Variants in ASRGL1 observed in about 807,000 individuals in gnomAD.
The protein encoded by ASRGL1 is asparaginase and isoaspartyl peptidase 1, also known as isoaspartyl peptidase/L-asparaginase.
Under a neutral mutation model 22.4 loss-of-function variants are expected in ASRGL1, and 16 were observed. The ratio of observed to expected loss-of-function variants is 0.71; its 90% CI spans 0.48 to 1.08. The LOEUF is 1.08. Among genes scored for constraint, ASRGL1 ranks in the 50% least tolerant of loss-of-function variants. The pLI is 0.00. For synonymous variants in ASRGL1, 165 were observed against 159.3 expected (o/e 1.04, Z -0.27); for missense variants, 412 against 410.1 (o/e 1.00, Z -0.04).
intron 2 of ASRGL1, among the ~76,000 whole-genome samples, chr11:62,339,115 A>G (rs1945804184): frequency 6.6e-6 from 1 of 152,176 alleles, no homozygotes; most frequent in Admixed American, 6.5e-5. Flanking sequence ...CTAGAAAAGG[A>G]AGGGGATTCT....
intron 4 of ASRGL1, chr11:62,382,219 G>C (rs1947087712): frequency 6.6e-6 from 1 of 151,724 alleles, no homozygotes; most frequent in African/African-American, 2.4e-5. Flanking sequence ...AACGTATAGA[G>C]AAAAAAAAGT....
chr11:62,355,630 T>C (rs1330192740), intron 2 of ASRGL1, among the ~76,000 whole-genome samples: 1 of 151,750 alleles, frequency 6.6e-6, no homozygotes, highest in Non-Finnish European at 1.5e-5. Flanking sequence ...TTCTTTTTTT[T>C]TTTTTTTTTC....
chr11:62,393,483 G>A (rs1055862791), downstream of ASRGL1: 3 of 152,206 alleles, frequency 2.0e-5, no homozygotes, highest in African/African-American at 7.2e-5. Flanking sequence ...GGTCTCAGGT[G>A]TACTACAGAG....
intron 4 of ASRGL1, among the ~76,000 whole-genome samples, chr11:62,363,844 A>T (rs1292663113): frequency 1.3e-5 from 2 of 152,124 alleles, no homozygotes; most frequent in African/African-American, 4.8e-5. Context: ...TTTTGTCAAT[A>T]GAAGTCACGT....
chr11:62,372,714 G>A, intron 4 of ASRGL1: 1 of 1,388,886 alleles, frequency 7.2e-7, no homozygotes, highest in East Asian at 2.3e-5. Context: ...GCAGAAGGAT[G>A]AGATGGTCCC....
chr11:62,371,754 C>T (rs908783518), intron 4 of ASRGL1: 4 of 520,632 alleles, frequency 7.7e-6, no homozygotes, highest in Non-Finnish European at 1.5e-5. Context: ...AGATCCAGAC[C>T]ATCCTGGCTA....
At chr11:62,339,461 G>A (rs1367390546) in intron 2 of ASRGL1, among the ~76,000 whole-genome samples, 2 of 152,084 alleles carry the variant, frequency 1.3e-5, no homozygotes, top group East Asian at 1.9e-4. Context: ...TTTGTGTTTC[G>A]CTTCTTTCAC....
intron 2 of ASRGL1, among the ~76,000 whole-genome samples, chr11:62,341,635 AC>A (rs1254936665): frequency 6.6e-6 from 1 of 152,250 alleles, no homozygotes; most frequent in Admixed American, 6.5e-5. Context: ...ATTCTGAGAT[AC>A]AACCAGGTTT....
At chr11:62,399,982 T>C in the ASRGL1 span, among the ~76,000 whole-genome samples, 1 of 152,058 alleles carries the variant, frequency 6.6e-6, no homozygotes, top group African/African-American at 2.4e-5. Flanking sequence ...TTCCCTGAAC[T>C]CTCCACCCAC....
chr11:62,365,679 C>A lies in ASRGL1; in HGVS notation c.491+8535C>A, dbSNP rs575085037. Among the ~76,000 whole-genome samples, 4 of 152,184 alleles carry A rather than the reference C, an allele frequency of 2.6e-5. No individual in the cohort carries two copies. The East Asian group carries it at 7.7e-4, about 29-fold the overall frequency. On this transcript the variant is annotated intron_variant, in intron 4 of 6. Transcript: ENST00000415229. ...CCTGGCCAAGATGGTGAAACTTCAT[C>A]TCTACTAAAAATACAGAAAAATTAG...
At chr11:62,368,681 T>C (rs1946680493) in intron 4 of ASRGL1, among the ~76,000 whole-genome samples, 1 of 152,096 alleles carries the variant, frequency 6.6e-6, no homozygotes, top group African/African-American at 2.4e-5. Flanking sequence ...TCATTATCTC[T>C]GCCATCTCGG....
intron 4 of ASRGL1, among the ~76,000 whole-genome samples, chr11:62,388,101 G>A (rs372266305): frequency 1.4e-4 from 22 of 152,294 alleles, no homozygotes; most frequent in Non-Finnish European, 2.6e-4. Flanking sequence ...TGTGCAGCAT[G>A]TGACTGTCCT....
intron 4 of ASRGL1, among the ~76,000 whole-genome samples, chr11:62,368,525 G>T (rs1208538679): frequency 6.6e-6 from 1 of 152,144 alleles, no homozygotes; most frequent in Non-Finnish European, 1.5e-5. Context: ...ACCTGTGGGT[G>T]TTTCTCGTCA....
chr11:62,353,781 A>G (rs1241693640), intron 2 of ASRGL1, among the ~76,000 whole-genome samples: 2 of 152,124 alleles, frequency 1.3e-5, no homozygotes, highest in Non-Finnish European at 2.9e-5. Context: ...TATTCTAGAC[A>G]TTTTGCATAT....
At position 62,338,093 on chromosome 11, in the gene ASRGL1, G is replaced by T; in HGVS notation, c.116G>T (p.Arg39Leu). ...GCCACCGTGGGCTACGGCATCCTCC[G>T]GGAGGGCGGGAGCGCCGTGGATGCC... ...RAATVGYGIL[R>L]EGGSAVDAVE... Residue 39 changes from arginine to leucine, a missense_variant, in exon 2 of 7, where the codon CGG becomes CTG. Physicochemically the swap from Arg to Leu is moderately radical, Grantham distance 102. Transcript: ENST00000415229. 6.2e-7 allele frequency: 1 copy of T among 1,607,092 alleles called. No homozygotes were observed.
chr11:62,370,916 T>C (rs1489908746), intron 4 of ASRGL1, among the ~76,000 whole-genome samples: 2 of 152,142 alleles, frequency 1.3e-5, no homozygotes, highest in Non-Finnish European at 2.9e-5. Context: ...CTGTTTACCA[T>C]GTGATAAGTA....
At chr11:62,363,871 A>ATCAGGCCGGGCTTAGTG (rs2134634750) in intron 4 of ASRGL1, among the ~76,000 whole-genome samples, 1 of 152,280 alleles carries the variant, frequency 6.6e-6, no homozygotes, top group South Asian at 2.1e-4. Flanking sequence ...TAAGAACATC[A>ATCAGGCCGGGCTTAGTG]TCAGGCCGGG....
chr11:62,351,527 G>A (rs907982166), intron 2 of ASRGL1, among the ~76,000 whole-genome samples: 2 of 152,012 alleles, frequency 1.3e-5, no homozygotes, highest in African/African-American at 4.8e-5. Flanking sequence ...GCGGGCGCCT[G>A]TAATCCCAGC....
At chr11:62,391,067 C>T (rs1199773316) in intron 5 of ASRGL1, among the ~76,000 whole-genome samples, 1 of 152,190 alleles carries the variant, frequency 6.6e-6, no homozygotes, top group African/African-American at 2.4e-5. Context: ...AATATAACTG[C>T]CCTCCATTAG....
Sources: allele counts gnomAD v4.1 joint callset (sites outside exome capture counted in the v4.1 genomes callset), GRCh38; gene constraint gnomAD v4.1.1; transcripts MANE v1.5; gene names NCBI Gene and HGNC (gene_info 2026-07-23, HGNC 2026-07-21).